Variants in CPZ observed in about 807,000 individuals in gnomAD.
CPZ encodes the protein VEZT/CPZ fusion.
CPZ carries 103 observed loss-of-function variants against 61.8 expected under a neutral mutation model. That is an observed-to-expected ratio of 1.67 (90% confidence interval 1.42 to 1.96). The LOEUF (loss-of-function observed/expected upper bound fraction) is 1.96. Ranked by LOEUF, CPZ falls within the 30% of genes most tolerant of loss-of-function variation. The pLI is 0.00. For missense variants in CPZ, 1,461 were observed against 914.9 expected, an observed-to-expected ratio of 1.60 and a Z score of -7.70; for synonymous variants, 551 against 373.7, an observed-to-expected ratio of 1.47 and a Z score of -5.47.
At chr4:8,594,244 C>T (rs1280251151) in intron 1 of CPZ, among the ~76,000 whole-genome samples, 1 of 152,164 alleles carries the variant, frequency 6.6e-6, no homozygotes, top group African/African-American at 2.4e-5. Context: ...AAGTCAAGGA[C>T]GTTTCCAGCC....
At chr4:8,597,957 G>A (rs529625690) in intron 1 of CPZ, among the ~76,000 whole-genome samples, 4 of 152,302 alleles carry the variant, frequency 2.6e-5, no homozygotes, top group South Asian at 2.1e-4. Flanking sequence ...TCTGGGGCTG[G>A]GCATCTTCCC....
intron 7 of CPZ, among the ~76,000 whole-genome samples, chr4:8,610,488 C>G (rs3756164): frequency 6.6e-6 from 1 of 152,148 alleles, no homozygotes; most frequent in Non-Finnish European, 1.5e-5. Context: ...AAGGGTGACA[C>G]GGTGGGTTGG....
intron 2 of CPZ, 37 bp downstream of exon 2, chr4:8,599,522 G>C (rs200031119): frequency 9.9e-6 from 16 of 1,611,702 alleles, no homozygotes; most frequent in African/African-American, 1.3e-5. Context: ...CTGTTCTGTA[G>C]GAGGGCTGCA....
At chr4:8,599,825 GC>G in intron 2 of CPZ, 1 of 322,242 alleles carries the variant, frequency 3.1e-6, no homozygotes, top group Non-Finnish European at 5.6e-6. Flanking sequence ...TCTGTGCCGG[GC>G]CCCTGCTGAG....
In CPZ at chr4:8,612,128, C is replaced by CA. The variant is rs1560300783; in HGVS notation, c.1330dup (p.Ile444AsnfsTer25). ...GCAATTTCCTGAAGAGGGGGAGCAT[C>CA]ATCAACGGGGCGGACTGGTACAGCT... is the stretch of plus-strand genomic sequence containing the variant. On this transcript the variant is annotated frameshift_variant, in exon 8 of 11. Coordinates refer to ENST00000360986, the MANE Select transcript of CPZ (RefSeq NM_001014447.3). LOFTEE classifies it high-confidence loss of function. The CA allele has an allele frequency of 6.3e-7, 1 of 1,599,692 alleles. No homozygotes were observed. Among genetic ancestry groups the CA allele is most frequent in the Non-Finnish European group, 8.5e-7 (1 of 1,173,134 alleles).
chr4:8,606,237 C>G, intron 5 of CPZ, 52 bp downstream of exon 5: 1 of 1,519,848 alleles, frequency 6.6e-7, no homozygotes, highest in Non-Finnish European at 8.9e-7. Flanking sequence ...ACCACCCCCT[C>G]ATTCATCCAT....
In CPZ at chr4:8,592,893, G is replaced by T; in HGVS notation, c.60G>T (p.Pro20=). The T allele has an allele frequency of 6.5e-7, 1 of 1,534,308 alleles. No homozygotes were observed. Among genetic ancestry groups the T allele is most frequent in the Non-Finnish European group, 8.7e-7 (1 of 1,143,978 alleles). The change falls in exon 1 of 11, where the codon CCG becomes CCT. Residue 20 remains proline, a synonymous_variant. Transcript: ENST00000360986. ...TCCTGGTCGTCGCCGCTGCCCGGCC[G>T]GGGTGCGAGTTTGAGCGGAACCCCG... ...LTVLVVAAAR[P]GCEFERNPAG...
At chr4:8,609,570 C>T (rs1715474632) in intron 7 of CPZ, among the ~76,000 whole-genome samples, 1 of 144,942 alleles carries the variant, frequency 6.9e-6, no homozygotes, top group African/African-American at 2.9e-5. Flanking sequence ...CCCCTGTGCT[C>T]TTGGGGGCCA....
At chr4:8,616,946 A>T (rs1716223058) in intron 9 of CPZ, among the ~76,000 whole-genome samples, 1 of 152,056 alleles carries the variant, frequency 6.6e-6, no homozygotes, top group Admixed American at 6.5e-5. Flanking sequence ...GGACCCCTTG[A>T]TGTGCTCATC....
chr4:8,615,706 G>C (rs1716107386), intron 9 of CPZ, among the ~76,000 whole-genome samples: 1 of 152,218 alleles, frequency 6.6e-6, no homozygotes, highest in Non-Finnish European at 1.5e-5. Flanking sequence ...CAGAGGAGGA[G>C]ACAGAGGGTC....
At chr4:8,618,625 C>T in intron 10 of CPZ, 97 bp downstream of exon 10, 2 of 1,173,342 alleles carry the variant, frequency 1.7e-6, no homozygotes, top group African/African-American at 3.0e-5. Flanking sequence ...GTGTGCCCAG[C>T]CCTCAGCAGG....
At chr4:8,619,144 G>C in intron 10 of CPZ, 118 bp from the exon 11 acceptor site, 4 of 818,982 alleles carry the variant, frequency 4.9e-6, no homozygotes, top group Non-Finnish European at 7.7e-6. Flanking sequence ...ACAGAGGCAA[G>C]TGCACATTTG....
At chr4:8,610,688 C>T (rs773565546) in intron 7 of CPZ, among the ~76,000 whole-genome samples, 2 of 152,186 alleles carry the variant, frequency 1.3e-5, no homozygotes, top group African/African-American at 4.8e-5. Context: ...AGGCTTCCTG[C>T]TATGAGGCAG....
intron 7 of CPZ, chr4:8,611,013 CA>C: frequency 3.1e-6 from 1 of 326,328 alleles, no homozygotes; most frequent in Non-Finnish European, 6.1e-6. Context: ...TTCACTCACT[CA>C]TTCACTCATT....
intron 7 of CPZ, among the ~76,000 whole-genome samples, chr4:8,609,228 T>TCA (rs1715405255): frequency 1.6e-4 from 1 of 6,120 alleles, no homozygotes; most frequent in South Asian, 6.0e-3. Context: ...ACTTACTCAC[T>TCA]CATTGTCACT....
intron 9 of CPZ, among the ~76,000 whole-genome samples, chr4:8,615,926 T>C (rs1157187095): frequency 6.6e-6 from 1 of 152,252 alleles, no homozygotes; most frequent in Admixed American, 6.5e-5. Context: ...TTCTTTCTGA[T>C]GGCTGTGCCG....
intron 1 of CPZ, among the ~76,000 whole-genome samples, chr4:8,596,079 A>T (rs527706099): frequency 2.5e-4 from 28 of 114,184 alleles, no homozygotes; most frequent in African/African-American, 1.1e-3. Flanking sequence ...TTCAAGATAG[A>T]GTCTCTCTGT....
At chr4:8,610,955 T>G (rs1367067300) in intron 7 of CPZ, among the ~76,000 whole-genome samples, 3 of 152,216 alleles carry the variant, frequency 2.0e-5, no homozygotes, top group Non-Finnish European at 4.4e-5. Context: ...ATCTTCACTC[T>G]GGCCTGGAGC....
intron 10 of CPZ, 126 bp downstream of exon 10, chr4:8,618,654 A>T: frequency 1.2e-6 from 1 of 864,836 alleles, no homozygotes; most frequent in East Asian, 2.7e-5. Flanking sequence ...ATTCCTCCCC[A>T]GGCTGGCTGG....
Sources: allele counts gnomAD v4.1 joint callset (sites outside exome capture counted in the v4.1 genomes callset), GRCh38; gene constraint gnomAD v4.1.1; transcripts MANE v1.5; gene names NCBI Gene and HGNC (gene_info 2026-07-23, HGNC 2026-07-21).